ADORA2B: variants seen among roughly 807,000 people sequenced by gnomAD.
ADORA2B encodes adenosine receptor A2b.
A neutral mutation model predicts 20.8 loss-of-function variants in ADORA2B; 18 were observed. The observed-to-expected ratio is 0.87, with a 90% CI of 0.60 to 1.29. The LOEUF is 1.29. ADORA2B is among the 50% of genes most tolerant of loss of function. ADORA2B has a pLI of 0.00. For missense variants in ADORA2B, 441 were observed against 422.7 expected, an observed-to-expected ratio of 1.04 and a Z score of -0.38; for synonymous variants, 179 against 178.3, an observed-to-expected ratio of 1.00 and a Z score of -0.03.
At chr17:15,936,618 C>A in the ADORA2B span, among the ~76,000 whole-genome samples, 4 of 152,324 alleles carry the variant, frequency 2.6e-5, no homozygotes, top group Non-Finnish European at 5.9e-5. Context: ...CTGCACCTGG[C>A]CCCTTTTAAT....
the ADORA2B span, among the ~76,000 whole-genome samples, chr17:15,872,448 T>C: frequency 6.6e-6 from 1 of 152,112 alleles, no homozygotes; most frequent in African/African-American, 2.4e-5. Context: ...CTGTGAAAAA[T>C]GATGGTATTT....
the ADORA2B span, among the ~76,000 whole-genome samples, chr17:15,901,292 C>T: frequency 6.6e-6 from 1 of 152,060 alleles, no homozygotes; most frequent in Middle Eastern, 3.4e-3. Flanking sequence ...ATGGAGAAGC[C>T]CTGTCTCTAC....
chr17:15,855,536 G>A, the ADORA2B span, among the ~76,000 whole-genome samples: 2 of 151,254 alleles, frequency 1.3e-5, no homozygotes, highest in Admixed American at 6.6e-5. Flanking sequence ...TTCTTCAAGG[G>A]TTTTCCTTGA....
At chr17:15,893,805 C>T in the ADORA2B span, among the ~76,000 whole-genome samples, 49 of 152,310 alleles carry the variant, frequency 3.2e-4, no homozygotes, top group Non-Finnish European at 5.3e-4. Flanking sequence ...AACCTCTTTA[C>T]TTAGGTTTGT....
chr17:15,946,844 T>G lies in ADORA2B; in HGVS notation c.335+1261T>G, dbSNP rs577534361. Among the ~76,000 whole-genome samples the G allele has an allele frequency of 4.6e-5, 7 of 152,266 alleles. No homozygotes were observed. In the East Asian group the frequency reaches 1.3e-3, roughly 29 times the overall value. ...CTGCAAGGCCATGTGTGGCACCGTG[T>G]TTAGGAGTCAGGGAGAAAAGTGCTC... On this transcript the variant is annotated intron_variant, in intron 1 of 1. Transcript: ENST00000304222.
chr17:15,867,128 C>T, the ADORA2B span, among the ~76,000 whole-genome samples: 2 of 152,190 alleles, frequency 1.3e-5, no homozygotes, highest in Non-Finnish European at 2.9e-5. Flanking sequence ...GTGATCTCGG[C>T]TCGCTACAAC....
chr17:15,889,035 G>A, the ADORA2B span, among the ~76,000 whole-genome samples: 4 of 116,884 alleles, frequency 3.4e-5, 1 homozygote, highest in Admixed American at 1.7e-4. Flanking sequence ...GTTGATTTTT[G>A]TATTCTTAAT....
chr17:15,932,629 T>A, the ADORA2B span, among the ~76,000 whole-genome samples: 1 of 152,190 alleles, frequency 6.6e-6, no homozygotes, highest in Non-Finnish European at 1.5e-5. Flanking sequence ...TGTATATGAC[T>A]TGAGGTAGTA....
rs542340017 is a variant in ADORA2B, at chr17:15,956,541, G to A, written c.335+10958G>A. Among the ~76,000 whole-genome samples, 3 of 150,408 alleles carry A rather than the reference G, an allele frequency of 2.0e-5. 1 individual carries two copies. The highest frequency in any genetic ancestry group is 7.0e-3 in the Middle Eastern group (2 of 286). On this transcript the variant is annotated intron_variant, in intron 1 of 1. Coordinates refer to ENST00000304222, the MANE Select transcript of ADORA2B (RefSeq NM_000676.4). ...TTTTAGAAACTCATAAAAATCTCCG[G>A]TTTGCTGATATCATCCTCTACTTCT...
the ADORA2B span, among the ~76,000 whole-genome samples, chr17:15,895,678 A>G: frequency 6.6e-6 from 1 of 152,196 alleles, no homozygotes; most frequent in Non-Finnish European, 1.5e-5. Flanking sequence ...TTTTAATTCC[A>G]ATTTTAATTT....
chr17:15,868,840 G>T, the ADORA2B span, among the ~76,000 whole-genome samples: 10 of 150,952 alleles, frequency 6.6e-5, no homozygotes, highest in African/African-American at 2.4e-4. Flanking sequence ...ATGTTTTGTG[G>T]TGTGTGATTT....
chr17:15,969,188 C>T (rs920026357), intron 1 of ADORA2B, among the ~76,000 whole-genome samples: 19 of 152,270 alleles, frequency 1.2e-4, no homozygotes, highest in Admixed American at 4.6e-4. Flanking sequence ...TGGAGGCTCA[C>T]GCCTGTAATC....
At chr17:15,965,146 T>A (rs1193270516) in intron 1 of ADORA2B, among the ~76,000 whole-genome samples, 1 of 152,174 alleles carries the variant, frequency 6.6e-6, no homozygotes, top group East Asian at 1.9e-4. Flanking sequence ...CATAACAATA[T>A]CCCCTCTTAT....
the ADORA2B span, chr17:15,850,777 A>G: frequency 3.2e-5 from 5 of 156,240 alleles, no homozygotes; most frequent in South Asian, 8.3e-4. Flanking sequence ...CTGTGTGTGT[A>G]GAGAGAGGGT....
the ADORA2B span, among the ~76,000 whole-genome samples, chr17:15,876,602 T>A: frequency 6.6e-6 from 1 of 151,988 alleles, no homozygotes; most frequent in African/African-American, 2.4e-5. Context: ...AATTATCATA[T>A]TTTTTTCTCC....
chr17:15,907,743 C>G, the ADORA2B span, among the ~76,000 whole-genome samples: 1 of 152,186 alleles, frequency 6.6e-6, no homozygotes, highest in African/African-American at 2.4e-5. Flanking sequence ...GAAATTGGTT[C>G]AAGACTTTCA....
chr17:15,952,192 T>A (rs2151595902), intron 1 of ADORA2B, among the ~76,000 whole-genome samples: 1 of 152,168 alleles, frequency 6.6e-6, no homozygotes. Flanking sequence ...ATCTCACTCT[T>A]CTCATTTGTC....
chr17:15,896,127 A>G, the ADORA2B span, among the ~76,000 whole-genome samples: 1 of 152,234 alleles, frequency 6.6e-6, no homozygotes, highest in African/African-American at 2.4e-5. Flanking sequence ...TATGCTGCAT[A>G]GAGACCTTAG....
chr17:15,901,069 A>C, the ADORA2B span, among the ~76,000 whole-genome samples: 1 of 152,142 alleles, frequency 6.6e-6, no homozygotes, highest in Non-Finnish European at 1.5e-5. Flanking sequence ...CTGCACACAC[A>C]GACTGGGTGC....
Sources: allele counts gnomAD v4.1 joint callset (sites outside exome capture counted in the v4.1 genomes callset), GRCh38; gene constraint gnomAD v4.1.1; transcripts MANE v1.5; gene names NCBI Gene and HGNC (gene_info 2026-07-23, HGNC 2026-07-21).